Variants in CLCA4 observed in about 807,000 individuals in gnomAD.
CLCA4 encodes chloride channel accessory 4.
In CLCA4, 69 loss-of-function variants were observed where a neutral mutation model predicts 78.9. That is an observed-to-expected ratio of 0.87 (90% confidence interval 0.72 to 1.07). The LOEUF is 1.07. Among genes scored for constraint, CLCA4 ranks in the 50% least tolerant of loss-of-function variants. The probability of loss-of-function intolerance (pLI) is 0.00; values close to 1 mark genes in which losing one functional copy is unlikely to be tolerated. For missense variants in CLCA4, 1,133 were observed against 1,095.8 expected (o/e 1.03, Z -0.48); for synonymous variants, 362 against 375.8 (o/e 0.96, Z 0.42).
At position 86,572,605 on chromosome 1, in the gene CLCA4, A is replaced by G. The variant is rs777944871; in HGVS notation, c.1361-9A>G. The G allele has an allele frequency of 6.2e-5, 94 of 1,520,332 alleles. No homozygotes were observed. Among genetic ancestry groups the G allele is most frequent in the Non-Finnish European group, 8.6e-5 (94 of 1,096,154 alleles). The allele number at this position is 1,520,332 out of a possible 1,614,324, so 94.2% of individuals were successfully genotyped here. A position where few individuals can be genotyped will look rare whatever the true frequency, so the allele number is the denominator to read the frequency against. ...AGAAAGCAGTCTAATTAATGCATTT[A>G]CATTTTAGGAGGAAGTCATTTTTAT... On this transcript the variant is annotated splice_polypyrimidine_tract_variant and intron_variant, in intron 8 of 13. Transcript: ENST00000370563.
At chr1:86,558,326 G>C (rs1371681824) in intron 1 of CLCA4, among the ~76,000 whole-genome samples, 2 of 152,106 alleles carry the variant, frequency 1.3e-5, no homozygotes, top group Non-Finnish European at 2.9e-5. Context: ...GTCTAAGTCT[G>C]TTTTTGTATT....
At chr1:86,572,590 C>G (rs1305477257) in intron 8 of CLCA4, 24 bp from the exon 9 acceptor site, 1 of 1,301,360 alleles carries the variant, frequency 7.7e-7, no homozygotes, top group African/African-American at 1.5e-5. Flanking sequence ...AGAAAGCAGT[C>G]TAATTAATGC....
Position 86,580,518 on chromosome 1 carries a change from C to G in CLCA4, c.*173C>G. On this transcript the variant is annotated 3_prime_UTR_variant, in exon 14 of 14. Transcript: ENST00000370563. ...GATACTTTGATTAAATAAAAACACT[C>G]ATGGATATGTAAAAACTGTCAAGAT... 2.3e-6 allele frequency: 1 copy of G among 443,886 alleles called. No homozygotes were observed. Among genetic ancestry groups the G allele is most frequent in the Non-Finnish European group, 3.8e-6 (1 of 260,060 alleles). The allele number at this position is 443,886 out of a possible 1,614,324, so 27.5% of individuals were successfully genotyped here.
intron 1 of CLCA4, among the ~76,000 whole-genome samples, chr1:86,554,863 T>G (rs1250652449): frequency 1.3e-5 from 2 of 151,910 alleles, no homozygotes; most frequent in African/African-American, 4.8e-5. Flanking sequence ...GCATCTGGTT[T>G]TTTTTTTTTT....
At chr1:86,566,962 G>A (rs1413727075) in intron 6 of CLCA4, among the ~76,000 whole-genome samples, 1 of 152,024 alleles carries the variant, frequency 6.6e-6, no homozygotes, top group African/African-American at 2.4e-5. Flanking sequence ...GCTTGGGTAA[G>A]TATTACCTTT....
chr1:86,579,977 C>A lies in CLCA4; in HGVS notation c.2392C>A (p.Leu798Ile). The A allele has an allele frequency of 8.7e-6, 14 of 1,600,584 alleles. No individual in the cohort carries two copies. Among genetic ancestry groups the A allele is most frequent in the African/African-American group, 1.3e-5 (1 of 74,184 alleles). ...TATCATAAGAATAAGTGCAAGTATTCTTGATCTAAGAGACAGTTTTGATGA... is the reference window on the plus strand; with the variant it reads ...TATCATAAGAATAAGTGCAAGTATTATTGATCTAAGAGACAGTTTTGATGA... ...RYIIRISASI[L>I]DLRDSFDDAL... is the part of the protein sequence containing the mutation. Residue 798 changes from leucine (L) to isoleucine (I), a missense_variant, in exon 14 of 14, where the codon CTT becomes ATT. Coordinates refer to ENST00000370563, the MANE Select transcript of CLCA4 (RefSeq NM_012128.4).
chr1:86,572,631 G>A lies in CLCA4; in HGVS notation c.1378G>A (p.Val460Ile), dbSNP rs1000064671. ...SKITGGSHFYVSDEAQNNGLI... is the reference protein window; with the variant it reads ...SKITGGSHFYISDEAQNNGLI... The stretch of plus-strand genomic sequence containing the variant: ...CATTTTAGGAGGAAGTCATTTTTAT[G>A]TTTCAGATGAAGCTCAGAACAATGG... The change falls in exon 9 of 14, where the codon GTT (valine) becomes ATT (isoleucine). Residue 460 changes from valine to isoleucine, a missense_variant. Transcript: ENST00000370563. 1.9e-6 allele frequency: 3 copies of A among 1,602,064 alleles called. No homozygotes were observed. In the Admixed American group the frequency reaches 5.0e-5, roughly 27 times the overall value.
chr1:86,577,800 T>G (rs2101819863), intron 11 of CLCA4, 102 bp from the exon 12 acceptor site: 2 of 834,256 alleles, frequency 2.4e-6, no homozygotes, highest in East Asian at 5.1e-5. Flanking sequence ...TCTAAAAATA[T>G]TAAGCCTAAT....
intron 9 of CLCA4, among the ~76,000 whole-genome samples, chr1:86,574,075 A>G (rs1650434762): frequency 6.6e-6 from 1 of 152,096 alleles, no homozygotes; most frequent in Non-Finnish European, 1.5e-5. Flanking sequence ...ACTAACAGCT[A>G]TCAACAAAAA....
chr1:86,579,267 GAA>G (rs1650629073), intron 12 of CLCA4, 85 bp from the exon 13 acceptor site: 2 of 1,011,858 alleles, frequency 2.0e-6, no homozygotes, highest in Admixed American at 4.2e-5. Context: ...TTTTTAGAAG[GAA>G]AAGACAAGTG....
chr1:86,553,511 C>A (rs571044278), intron 1 of CLCA4, among the ~76,000 whole-genome samples: 1 of 152,208 alleles, frequency 6.6e-6, no homozygotes, highest in South Asian at 2.1e-4. Context: ...CTCTGCTCAG[C>A]CGACGCCACC....
chr1:86,574,768 C>G lies in CLCA4; in HGVS notation c.1683+13C>G. On this transcript the variant is annotated intron_variant, in intron 10 of 13. Transcript: ENST00000370563. Reference sequence around the variant, plus strand: ...AGGAACTGCAAAGGTAAGCAATCAGCTTTTAGACTTCCTGTCAACATTTTT... The same window carrying G: ...AGGAACTGCAAAGGTAAGCAATCAGGTTTTAGACTTCCTGTCAACATTTTT... The G allele has an allele frequency of 7.0e-6, 11 of 1,576,136 alleles. No homozygotes were observed. Among genetic ancestry groups the G allele is most frequent in the Non-Finnish European group, 9.6e-6 (11 of 1,146,230 alleles).
intron 1 of CLCA4, among the ~76,000 whole-genome samples, chr1:86,555,294 G>A (rs1016940425): frequency 1.3e-5 from 2 of 152,054 alleles, no homozygotes; most frequent in Non-Finnish European, 2.9e-5. Flanking sequence ...TGTCCAGGAT[G>A]TATTGCCTAG....
At chr1:86,566,124 A>G (rs1570328997) in intron 6 of CLCA4, 104 bp downstream of exon 6, 1 of 921,184 alleles carries the variant, frequency 1.1e-6, no homozygotes. Flanking sequence ...ATGGTGGCAT[A>G]AAGTACCATC....
chr1:86,575,692 A>C, intron 11 of CLCA4, 93 bp downstream of exon 11: 1 of 1,134,756 alleles, frequency 8.8e-7, no homozygotes, highest in Non-Finnish European at 1.3e-6. Flanking sequence ...GACAGGCAAC[A>C]GAATTGATGC....
Position 86,580,249 on chromosome 1 carries a change from T to C in CLCA4, c.2664T>C (p.Asp888=), listed in dbSNP as rs1461435627. 3.1e-6 allele frequency: 5 copies of C among 1,611,764 alleles called. No individual in the cohort carries two copies. In the Admixed American group the frequency reaches 5.0e-5, roughly 16 times the overall value. ...CTCCTACTCCTACTCCTACTCCTGATAAAAGTCATAATTCTGGAGTTAATA... is the reference window on the plus strand; with the variant it reads ...CTCCTACTCCTACTCCTACTCCTGACAAAAGTCATAATTCTGGAGTTAATA... ...TPTPTPTPTP[D]KSHNSGVNIS... is the part of the protein sequence containing the mutation. The change falls in exon 14 of 14, where the codon GAT becomes GAC. Residue 888 remains aspartate, a synonymous_variant. Transcript: ENST00000370563.
intron 12 of CLCA4, 27 bp downstream of exon 12, chr1:86,578,099 C>T: frequency 6.3e-7 from 1 of 1,585,164 alleles, no homozygotes; most frequent in Non-Finnish European, 8.6e-7. Flanking sequence ...ATTTATAATC[C>T]AGTGATAGTT....
chr1:86,578,024 C>T lies in CLCA4; in HGVS notation c.2074C>T (p.Arg692Trp), dbSNP rs762618636. 34 of 1,612,574 alleles carry T rather than the reference C, an allele frequency of 2.1e-5. No individual in the cohort carries two copies. Among genetic ancestry groups the T allele is most frequent in the Admixed American group, 1.8e-4 (11 of 59,842 alleles). The stretch of plus-strand genomic sequence containing the variant: ...AGCAAACACTGCCAGGCTAAAATTA[C>T]GGCCTCCACTGAATAGAGCCGCGTA... ...GGANTARLKL[R>W]PPLNRAAYIP... The change falls in exon 12 of 14, where the codon CGG becomes TGG. Residue 692 changes from arginine to tryptophan, a missense_variant. Physicochemically the swap from Arg to Trp is moderately radical, Grantham distance 101 (BLOSUM62 -3). Transcript: ENST00000370563.
rs1370327161 is a variant in CLCA4 at position 86,580,083 on chromosome 1, T to A, written c.2498T>A (p.Ile833Asn). ...KESFAFKPENISEENATHIFI... is the reference protein window; with the variant it reads ...KESFAFKPENNSEENATHIFI... Reference sequence around the variant, plus strand: ...AGCTTTGCATTTAAACCAGAAAATATCTCAGAAGAAAATGCAACCCACATA... The same window carrying A: ...AGCTTTGCATTTAAACCAGAAAATAACTCAGAAGAAAATGCAACCCACATA... The change falls in exon 14 of 14, where the codon ATC becomes AAC. Residue 833 changes from isoleucine (I) to asparagine (N), a missense_variant. Transcript: ENST00000370563. The A allele has an allele frequency of 1.9e-6, 3 of 1,612,876 alleles. No homozygotes were observed. The highest frequency in any genetic ancestry group is 2.5e-6 in the Non-Finnish European group (3 of 1,179,446).
Sources: gnomAD v4.1 joint callset for allele counts (sites outside exome capture counted in the v4.1 genomes callset) on GRCh38, gnomAD v4.1.1 for gene constraint, MANE v1.5 for transcripts, NCBI Gene and HGNC (gene_info 2026-07-23, HGNC 2026-07-21) for gene names.